STPG2: variants seen among roughly 807,000 people sequenced by gnomAD.
STPG2 encodes the protein sperm-tail PG-rich repeat-containing protein 2.
In STPG2, 56 loss-of-function variants were observed where a neutral mutation model predicts 54.2. The observed-to-expected ratio is 1.03, with a 90% confidence interval of 0.83 to 1.29. The LOEUF (loss-of-function observed/expected upper bound fraction) is 1.29, where lower values mean the gene tolerates loss of function less well. Among genes scored for constraint, STPG2 ranks in the 50% most tolerant of loss-of-function variants. STPG2 has a pLI of 0.00. For synonymous variants in STPG2, 200 were observed against 181.8 expected (o/e 1.10, Z -0.81); for missense variants, 596 against 544.9 (o/e 1.09, Z -0.93).
chr4:97,898,245 T>C (rs2149182632), intron 8 of STPG2, among the ~76,000 whole-genome samples: 1 of 152,218 alleles, frequency 6.6e-6, no homozygotes, highest in African/African-American at 2.4e-5. Flanking sequence ...GACTCTCTAG[T>C]TGTTCCATTG....
intron 9 of STPG2, among the ~76,000 whole-genome samples, chr4:97,771,476 G>C (rs1216483935): frequency 6.6e-6 from 1 of 152,132 alleles, no homozygotes; most frequent in Non-Finnish European, 1.5e-5. Flanking sequence ...GCCCAGACCA[G>C]AGCTGGTCTG....
intron 4 of STPG2, among the ~76,000 whole-genome samples, chr4:97,486,136 C>T (rs1041967065): frequency 2.0e-5 from 3 of 151,632 alleles, no homozygotes; most frequent in Non-Finnish European, 4.4e-5. Context: ...TGACCAAGAA[C>T]CCCAAAGCAA....
chr4:97,771,979 G>A (rs1726234553), intron 9 of STPG2, among the ~76,000 whole-genome samples: 2 of 152,192 alleles, frequency 1.3e-5, no homozygotes, highest in Admixed American at 6.5e-5. Flanking sequence ...TGAATGGATG[G>A]CTGCAGATGC....
chr4:97,668,756 T>C (rs1383608860), intron 10 of STPG2, among the ~76,000 whole-genome samples: 1 of 101,280 alleles, frequency 9.9e-6, no homozygotes, highest in Non-Finnish European at 2.1e-5. Context: ...TTTGAAATAA[T>C]GTATAGGATA....
At chr4:98,013,742 T>C (rs1217296269) in intron 5 of STPG2, among the ~76,000 whole-genome samples, 1 of 151,792 alleles carries the variant, frequency 6.6e-6, no homozygotes, top group Non-Finnish European at 1.5e-5. Context: ...CTAGATTTTC[T>C]AGTTTATTTG....
intron 8 of STPG2, among the ~76,000 whole-genome samples, chr4:97,849,374 T>A (rs1729076267): frequency 6.6e-6 from 1 of 151,810 alleles, no homozygotes; most frequent in Non-Finnish European, 1.5e-5. Flanking sequence ...GGACTTCATG[T>A]CCAAAACACC....
At chr4:97,924,770 T>C (rs72892959) in intron 8 of STPG2, among the ~76,000 whole-genome samples, 3 of 152,292 alleles carry the variant, frequency 2.0e-5, no homozygotes, top group African/African-American at 7.2e-5. Flanking sequence ...TATGTAGAGG[T>C]AGTAGATAAG....
intron 10 of STPG2, among the ~76,000 whole-genome samples, chr4:97,670,572 C>T (rs1459733996): frequency 1.3e-5 from 2 of 152,174 alleles, no homozygotes. Flanking sequence ...CATTCTTTTG[C>T]AGCAGATTGA....
chr4:97,994,345 T>A (rs1318443835), intron 5 of STPG2, among the ~76,000 whole-genome samples: 1 of 152,240 alleles, frequency 6.6e-6, no homozygotes, highest in Non-Finnish European at 1.5e-5. Context: ...TGCAATATTT[T>A]CATTTTGTTT....
intron 10 of STPG2, among the ~76,000 whole-genome samples, chr4:97,632,658 A>G (rs983206752): frequency 1.3e-5 from 2 of 152,156 alleles, no homozygotes; most frequent in African/African-American, 4.8e-5. Context: ...ATATGAGCCA[A>G]CAAAAAATAC....
intron 10 of STPG2, among the ~76,000 whole-genome samples, chr4:97,640,145 G>A (rs989696733): frequency 2.0e-5 from 3 of 152,000 alleles, no homozygotes; most frequent in African/African-American, 7.2e-5. Flanking sequence ...TATATAGAAT[G>A]TGCCCAGAAA....
At chr4:98,059,600 G>A (rs1366907548) in intron 5 of STPG2, among the ~76,000 whole-genome samples, 3 of 138,426 alleles carry the variant, frequency 2.2e-5, no homozygotes, top group African/African-American at 8.2e-5. Context: ...ACACAACAAT[G>A]AAAGAAAATT....
chr4:98,080,237 T>G (rs1738301351), intron 5 of STPG2, among the ~76,000 whole-genome samples: 1 of 152,152 alleles, frequency 6.6e-6, no homozygotes, highest in African/African-American at 2.4e-5. Context: ...GTTTATAAAC[T>G]ATATTGTTAT....
chr4:97,952,568 T>C (rs1560606946), intron 7 of STPG2, among the ~76,000 whole-genome samples: 1 of 151,894 alleles, frequency 6.6e-6, no homozygotes, highest in Non-Finnish European at 1.5e-5. Context: ...CCCAGTGGAG[T>C]TGCCACACTC....
intron 4 of STPG2, among the ~76,000 whole-genome samples, chr4:97,479,491 A>G (rs1456820799): frequency 6.6e-6 from 1 of 151,946 alleles, no homozygotes; most frequent in Non-Finnish European, 1.5e-5. Context: ...TACTACATAA[A>G]GATAAATAAT....
At chr4:98,014,047 T>A (rs982250617) in intron 5 of STPG2, among the ~76,000 whole-genome samples, 46 of 152,220 alleles carry the variant, frequency 3.0e-4, no homozygotes, top group African/African-American at 1.1e-3. Context: ...CTCTAGGTGC[T>A]TTAGTTGTGA....
intron 9 of STPG2, among the ~76,000 whole-genome samples, chr4:97,746,758 G>C (rs775737617): frequency 6.6e-6 from 1 of 151,216 alleles, no homozygotes; most frequent in Non-Finnish European, 1.5e-5. Flanking sequence ...ATGGCAAAGG[G>C]AACAGCAGAT....
chr4:97,808,022 T>G (rs141940412), intron 9 of STPG2, among the ~76,000 whole-genome samples: 2 of 151,990 alleles, frequency 1.3e-5, no homozygotes, highest in African/African-American at 4.8e-5. Context: ...TGCTGAATAA[T>G]GGCTGCCAAC....
intron 3 of STPG2, among the ~76,000 whole-genome samples, chr4:98,127,098 A>G (rs1284439211): frequency 6.6e-6 from 1 of 151,946 alleles, no homozygotes; most frequent in African/African-American, 2.4e-5. Context: ...AACAATATAT[A>G]TTATTATTCA....
Sources: gnomAD v4.1 joint callset for allele counts (sites outside exome capture counted in the v4.1 genomes callset) on GRCh38, gnomAD v4.1.1 for gene constraint, MANE v1.5 for transcripts, NCBI Gene and HGNC (gene_info 2026-07-23, HGNC 2026-07-21) for gene names.